GLS: variants seen among roughly 807,000 people sequenced by gnomAD.
GLS encodes the protein glutaminase.
In GLS, 36 loss-of-function variants were observed where a neutral mutation model predicts 86.7. That is an observed-to-expected ratio of 0.42 (90% CI 0.32 to 0.55). The LOEUF is 0.55. GLS is among the 20% of genes least tolerant of loss of function. GLS has a pLI of 0.17. For missense variants in GLS, 528 were observed against 833.4 expected (o/e 0.63, Z 4.51); for synonymous variants, 317 against 305.9 (o/e 1.04, Z -0.38).
intron 12 of GLS, among the ~76,000 whole-genome samples, chr2:190,930,000 G>A (rs1313326884): frequency 2.0e-5 from 3 of 151,530 alleles, no homozygotes; most frequent in African/African-American, 7.3e-5. Context: ...CGTGCACTTT[G>A]GGAGGCTGAG....
chr2:190,940,890 C>CT (rs1044859104), intron 14 of GLS, among the ~76,000 whole-genome samples: 1 of 151,850 alleles, frequency 6.6e-6, no homozygotes, highest in African/African-American at 2.4e-5. Context: ...TTCTTTTGGT[C>CT]TTTTTTTCTA....
At position 190,953,649 on chromosome 2, in the gene GLS, C is replaced by T. The variant is rs769433660; in HGVS notation, c.1712+23C>T. ...AAGGTATGTTTACAGGATGGATTAG[C>T]ATGCACTTTACAGATATTTATGAAG... On this transcript the variant is annotated intron_variant, in intron 15 of 17. Coordinates refer to ENST00000320717, the MANE Select transcript of GLS (RefSeq NM_014905.5). This position sits in a 1 kb window ranked among gnomAD's most constrained non-coding sequence, Gnocchi z 4.0. 2 of 1,499,808 alleles carry T rather than the reference C, an allele frequency of 1.3e-6. No individual in the cohort carries two copies. Among genetic ancestry groups the T allele is most frequent in the South Asian group, 1.1e-5 (1 of 88,630 alleles). 92.9% of individuals were successfully genotyped at this position (1,499,808 alleles called of 1,614,324 possible).
chr2:190,881,641 C>T, intron 1 of GLS, 171 bp downstream of exon 1: 1 of 591,146 alleles, frequency 1.7e-6, no homozygotes, highest in South Asian at 2.5e-5. Context: ...CGGCCCCGCC[C>T]GCGCCTTCCC....
In GLS at chr2:190,895,572, A is replaced by C. The variant is rs781745761; in HGVS notation, c.484-32A>C. 6.6e-7 allele frequency: 1 copy of C among 1,504,804 alleles called. No individual in the cohort carries two copies. Among genetic ancestry groups the C allele is most frequent in the Non-Finnish European group, 9.2e-7 (1 of 1,090,582 alleles). The allele number at this position is 1,504,804 out of a possible 1,614,324, so 93.2% of individuals were successfully genotyped here. A position where few individuals can be genotyped will look rare whatever the true frequency, so the allele number is the denominator to read the frequency against. On this transcript the variant is annotated intron_variant, in intron 2 of 17. Transcript: ENST00000320717. This position sits in a 1 kb window ranked among gnomAD's most constrained non-coding sequence, Gnocchi z 4.2. ...TAAGCATATACATTATTTGCACTAT[A>C]TATTTACAAACTCTTATTTTTTTAA... is the stretch of plus-strand genomic sequence containing the variant.
Position 190,895,720 on chromosome 2 carries a change from TA to T in GLS, c.605del (p.Lys202AsnfsTer10). The stretch of plus-strand genomic sequence containing the variant: ...GTGTCATGCTAGACAAAGATCTTTT[TA>T]AAAAGTAAAAGTTTCTGCCAAACCT... ...DGVMLDKDLFKKCVQSNIVLL... is the reference protein window; with the variant it reads ...DGVMLDKDLFXKCVQSNIVLL... On this transcript the variant is annotated frameshift_variant, in exon 3 of 18. Transcript: ENST00000320717. LOFTEE classifies it high-confidence loss of function. This position sits in a 1 kb window ranked among gnomAD's most constrained non-coding sequence, Gnocchi z 4.2. 6.4e-7 allele frequency: 1 copy of T among 1,570,176 alleles called. No individual in the cohort carries two copies. The highest frequency in any genetic ancestry group is 1.2e-5 in the South Asian group (1 of 84,500).
intron 17 of GLS, among the ~76,000 whole-genome samples, chr2:190,960,714 T>C (rs995257470): frequency 6.6e-5 from 10 of 152,118 alleles, no homozygotes; most frequent in Non-Finnish European, 1.5e-4. Context: ...GTTTTGTTGG[T>C]TCAGCTGTTA....
At chr2:190,948,584 A>G (rs1260439446) in intron 14 of GLS, among the ~76,000 whole-genome samples, 1 of 152,200 alleles carries the variant, frequency 6.6e-6, no homozygotes, top group Non-Finnish European at 1.5e-5. Context: ...ATGAGGCTTT[A>G]TTGCTTAGAA....
intron 6 of GLS, among the ~76,000 whole-genome samples, chr2:190,907,498 T>C (rs1318145573): frequency 2.0e-5 from 3 of 151,932 alleles, no homozygotes; most frequent in Admixed American, 2.0e-4. Flanking sequence ...TCAGGTGATC[T>C]GCCTGCCTCA....
intron 1 of GLS, among the ~76,000 whole-genome samples, chr2:190,887,084 T>C (rs2125975232): frequency 6.6e-6 from 1 of 152,360 alleles, no homozygotes; most frequent in South Asian, 2.1e-4. Context: ...TTATATTTTA[T>C]AGTTGCCTGT....
chr2:190,960,359 A>ATTTT (rs770419477), intron 17 of GLS, among the ~76,000 whole-genome samples: 1,855 of 101,402 alleles, frequency 0.018, 105 homozygotes, highest in African/African-American at 0.066. Flanking sequence ...TTAAGCTTCA[A>ATTTT]TTTTTTTTTT....
At position 190,947,366 on chromosome 2, in the gene GLS, A is replaced by T. The variant is rs970314085; in HGVS notation, c.1651-6199A>T. ...TAACATTTTTTGTCCCACTGTTGTC[A>T]TGACTTTGTACAAATAAACTAAGAT... On this transcript the variant is annotated intron_variant, in intron 14 of 17. Transcript: ENST00000320717. This position sits in a 1 kb window ranked among gnomAD's most constrained non-coding sequence, Gnocchi z 5.0. 6.6e-6 allele frequency among the ~76,000 whole-genome samples: 1 copy of T among 152,234 alleles called. No individual in the cohort carries two copies. Among genetic ancestry groups the T allele is most frequent in the Non-Finnish European group, 1.5e-5 (1 of 68,032 alleles).
chr2:190,915,117 A>C (rs1236379730), intron 7 of GLS, among the ~76,000 whole-genome samples: 6 of 150,134 alleles, frequency 4.0e-5, no homozygotes, highest in African/African-American at 1.5e-4. Flanking sequence ...CAGCCTCCCG[A>C]GTAGCTGGGA....
rs550810087 is a variant in GLS, at chr2:190,947,254, C to G, written c.1651-6311C>G. ...ATGTTTTAGATGTGTAAAACTGATA[C>G]ACTCCCCACCTGCTTCTAGCTGTTT... On this transcript the variant is annotated intron_variant, in intron 14 of 17. Coordinates refer to ENST00000320717, the MANE Select transcript of GLS (RefSeq NM_014905.5). The surrounding 1 kb of genome is among the most constrained non-coding windows in gnomAD (Gnocchi z 5.0). Among the ~76,000 whole-genome samples, 1 of 152,294 alleles carries G rather than the reference C, an allele frequency of 6.6e-6. No individual in the cohort carries two copies. Among genetic ancestry groups the G allele is most frequent in the Admixed American group, 6.5e-5 (1 of 15,300 alleles).
In GLS at chr2:190,880,934, C is replaced by A; in HGVS notation, c.-151C>A. 7.0e-6 allele frequency: 7 copies of A among 1,006,494 alleles called. No individual in the cohort carries two copies. The highest frequency in any genetic ancestry group is 1.0e-5 in the Non-Finnish European group (7 of 674,526). 62.3% of individuals were successfully genotyped at this position (1,006,494 alleles called of 1,614,324 possible). A position where few individuals can be genotyped will look rare whatever the true frequency, so the allele number is the denominator to read the frequency against. ...GCAGCAGCAGCACCCGCATCCGCTGCGGGAGTCCGAGCCGGAACCACACCC... is the reference window on the plus strand; with the variant it reads ...GCAGCAGCAGCACCCGCATCCGCTGAGGGAGTCCGAGCCGGAACCACACCC... On this transcript the variant is annotated 5_prime_UTR_variant, in exon 1 of 18. Coordinates refer to ENST00000320717, the MANE Select transcript of GLS (RefSeq NM_014905.5).
intron 14 of GLS, chr2:190,932,677 A>T (rs746177797): frequency 6.7e-7 from 1 of 1,484,992 alleles, no homozygotes. Flanking sequence ...TCTTCACTCA[A>T]GTGCACTAAT....
chr2:190,959,840 A>T (rs934382781), intron 17 of GLS, among the ~76,000 whole-genome samples: 1 of 152,198 alleles, frequency 6.6e-6, no homozygotes, highest in Non-Finnish European at 1.5e-5. Flanking sequence ...GAAAACTGTT[A>T]ACTCTAAAAT....
At chr2:190,934,224 A>G in intron 14 of GLS, 1 of 962,232 alleles carries the variant, frequency 1.0e-6, no homozygotes, top group Non-Finnish European at 1.2e-6. Context: ...TGTAAAAGTA[A>G]ATATAGTGTA....
intron 17 of GLS, among the ~76,000 whole-genome samples, chr2:190,960,890 C>T (rs1316163606): frequency 6.6e-6 from 1 of 152,166 alleles, no homozygotes; most frequent in Non-Finnish European, 1.5e-5. Context: ...GTTAGGTTGA[C>T]AGTCTTCTTC....
chr2:190,933,530 C>T, intron 14 of GLS: 1 of 938,520 alleles, frequency 1.1e-6, no homozygotes, highest in Non-Finnish European at 1.3e-6. Flanking sequence ...TTGTTATATA[C>T]AGGAGTGTCT....
Sources: allele counts gnomAD v4.1 joint callset (sites outside exome capture counted in the v4.1 genomes callset), GRCh38; gene constraint gnomAD v4.1.1; non-coding constraint Gnocchi (gnomAD v3.1); transcripts MANE v1.5; gene names NCBI Gene and HGNC (gene_info 2026-07-23, HGNC 2026-07-21).